Variants in CEMIP observed in about 807,000 individuals in gnomAD.
The protein encoded by CEMIP is cell migration inducing hyaluronidase 1.
A neutral mutation model predicts 156.9 loss-of-function variants in CEMIP; 105 were observed. That is an observed-to-expected ratio of 0.67 (90% confidence interval 0.57 to 0.79). CEMIP has a LOEUF of 0.79. CEMIP is among the 30% of genes least tolerant of loss of function. CEMIP has a pLI of 0.00. For synonymous variants in CEMIP, 676 were observed against 668.4 expected (o/e 1.01, Z -0.17); for missense variants, 1,457 against 1,769.4 (o/e 0.82, Z 3.17).
At chr15:80,815,155 C>G (rs1228785832) in intron 1 of CEMIP, among the ~76,000 whole-genome samples, 3 of 152,258 alleles carry the variant, frequency 2.0e-5, no homozygotes, top group African/African-American at 7.2e-5. Flanking sequence ...AGAGAAGCCA[C>G]TGGCCAGGAT....
intron 1 of CEMIP, among the ~76,000 whole-genome samples, chr15:80,815,478 T>A (rs1896769576): frequency 6.6e-6 from 1 of 152,274 alleles, no homozygotes; most frequent in Non-Finnish European, 1.5e-5. Context: ...AAATGCACAG[T>A]ACAATGCCTG....
intron 1 of CEMIP, among the ~76,000 whole-genome samples, chr15:80,819,705 ATCTTC>A (rs550914584): frequency 2.0e-4 from 31 of 152,362 alleles, no homozygotes; most frequent in Admixed American, 9.8e-4. Context: ...GAAAGAAAGG[ATCTTC>A]TCTTAGAGAA....
intron 1 of CEMIP, among the ~76,000 whole-genome samples, chr15:80,781,350 A>G (rs1895789204): frequency 6.6e-6 from 1 of 152,218 alleles, no homozygotes; most frequent in African/African-American, 2.4e-5. Context: ...TCTGATCCTA[A>G]TAGTTTTGTT....
At chr15:80,857,676 G>A (rs578106117) in intron 1 of CEMIP, among the ~76,000 whole-genome samples, 17 of 152,302 alleles carry the variant, frequency 1.1e-4, no homozygotes, top group African/African-American at 3.8e-4. Flanking sequence ...AGGCTCTTGG[G>A]TGATGCTGAT....
At chr15:80,827,437 G>A (rs1475114685) in intron 1 of CEMIP, among the ~76,000 whole-genome samples, 1 of 152,086 alleles carries the variant, frequency 6.6e-6, no homozygotes, top group Non-Finnish European at 1.5e-5. Context: ...TGGCCAACAT[G>A]GTGAAACCCT....
At chr15:80,827,394 G>A (rs772374207) in intron 1 of CEMIP, among the ~76,000 whole-genome samples, 13 of 152,266 alleles carry the variant, frequency 8.5e-5, no homozygotes, top group African/African-American at 2.6e-4. Flanking sequence ...TGAAGTGGGC[G>A]GATCACCTGA....
chr15:80,893,924 C>T (rs868198513), intron 10 of CEMIP, among the ~76,000 whole-genome samples: 44 of 151,940 alleles, frequency 2.9e-4, no homozygotes, highest in Non-Finnish European at 2.8e-4. Flanking sequence ...ACAGCAGCTG[C>T]AGCCCTTGCT....
At position 80,866,181 on chromosome 15, in the gene CEMIP, T is replaced by G. The variant is rs780403078; in HGVS notation, c.-175-7357T>G. On this transcript the variant is annotated intron_variant, in intron 1 of 29. Transcript: ENST00000394685. ...CTGCCATGCTTGGGGATAGGGCGAG[T>G]CCGTGAGGGTGAATTTCTGTTATCA... 5.3e-5 allele frequency among the ~76,000 whole-genome samples: 8 copies of G among 152,058 alleles called. 1 individual carries two copies. The highest frequency in any genetic ancestry group is 1.3e-4 in the Admixed American group (2 of 15,260).
chr15:80,862,453 C>T (rs971816179), intron 1 of CEMIP, among the ~76,000 whole-genome samples: 8 of 152,114 alleles, frequency 5.3e-5, no homozygotes, highest in African/African-American at 7.2e-5. Flanking sequence ...AGGTGGAGAG[C>T]GACCCAGCTA....
intron 1 of CEMIP, among the ~76,000 whole-genome samples, chr15:80,797,020 G>A (rs545075491): frequency 3.3e-4 from 50 of 152,318 alleles, no homozygotes; most frequent in African/African-American, 1.2e-3. Flanking sequence ...TGGCTGGGGT[G>A]TAAGGATGAA....
At chr15:80,900,916 G>C (rs1477967233) in intron 12 of CEMIP, 2 of 454,954 alleles carry the variant, frequency 4.4e-6, no homozygotes, top group African/African-American at 2.0e-5. Context: ...CTTCCTCATT[G>C]CTCCCAGATT....
chr15:80,901,960 G>A (rs1319418382), intron 12 of CEMIP, among the ~76,000 whole-genome samples: 2 of 152,144 alleles, frequency 1.3e-5, no homozygotes, highest in South Asian at 2.1e-4. Flanking sequence ...AGGAACCTGG[G>A]TTTAAGTTTG....
At position 80,802,365 on chromosome 15, in the gene CEMIP, C is replaced by T. The variant is rs534095226; in HGVS notation, c.-176+22751C>T. Among the ~76,000 whole-genome samples, 7 of 152,348 alleles carry T rather than the reference C, an allele frequency of 4.6e-5. No homozygotes were observed. The East Asian group carries it at 9.7e-4, about 21-fold the overall frequency. ...GGGGCCAAAGCCCTGTTATCCCTTT[C>T]GCCCTTCCTGATGGCTCTGCCTCTG... is the stretch of plus-strand genomic sequence containing the variant. On this transcript the variant is annotated intron_variant, in intron 1 of 29. Coordinates refer to ENST00000394685, the MANE Select transcript of CEMIP (RefSeq NM_001293298.2).
Position 80,889,610 on chromosome 15 carries a change from AAAATAGAAAATAG to A in CEMIP, c.1086+23_1086+35del. The A allele has an allele frequency of 6.2e-7, 1 of 1,613,526 alleles. No individual in the cohort carries two copies. Among genetic ancestry groups the A allele is most frequent in the South Asian group, 1.1e-5 (1 of 91,066 alleles). ...ATATACAGGTACCAAACTCACAGCA[AAAATAGAAAATAG>A]AAATGTGTTGTTTTGAAGAAGACTC... On this transcript the variant is annotated intron_variant, in intron 10 of 29. Transcript: ENST00000394685.
chr15:80,865,638 T>C (rs1201580413), intron 1 of CEMIP, among the ~76,000 whole-genome samples: 1 of 151,216 alleles, frequency 6.6e-6, no homozygotes, highest in Non-Finnish European at 1.5e-5. Flanking sequence ...ATCATGAAAA[T>C]TATGCACAGC....
chr15:80,821,746 G>A (rs1333691725), intron 1 of CEMIP, among the ~76,000 whole-genome samples: 1 of 152,224 alleles, frequency 6.6e-6, no homozygotes, highest in Non-Finnish European at 1.5e-5. Flanking sequence ...GGGCTACTTA[G>A]AGGTGCCCAT....
chr15:80,798,108 T>C (rs1323943112), intron 1 of CEMIP, among the ~76,000 whole-genome samples: 1 of 152,192 alleles, frequency 6.6e-6, no homozygotes, highest in Non-Finnish European at 1.5e-5. Context: ...ATATAAGCCA[T>C]ATAACCGTGT....
At position 80,932,764 on chromosome 15, in the gene CEMIP, C is replaced by T. The variant is rs1016960275; in HGVS notation, c.2794-481C>T. On this transcript the variant is annotated intron_variant, in intron 22 of 29. Coordinates refer to ENST00000394685, the MANE Select transcript of CEMIP (RefSeq NM_001293298.2). This position sits in a 1 kb window ranked among gnomAD's most constrained non-coding sequence, Gnocchi z 4.5. ...TCAGTTATGGAAATCTGCAAGGGCT[C>T]ATGCTGCAAAACTGTCTTCCTGAAA... Among the ~76,000 whole-genome samples the T allele has an allele frequency of 6.6e-6, 1 of 152,198 alleles. No homozygotes were observed. Among genetic ancestry groups the T allele is most frequent in the African/African-American group, 2.4e-5 (1 of 41,446 alleles).
At chr15:80,844,443 A>G (rs1288869064) in intron 1 of CEMIP, among the ~76,000 whole-genome samples, 2 of 152,142 alleles carry the variant, frequency 1.3e-5, no homozygotes, top group Non-Finnish European at 2.9e-5. Flanking sequence ...TCCTCTTCCA[A>G]ATTTAGCCAG....
Sources: gnomAD v4.1 joint callset for allele counts (sites outside exome capture counted in the v4.1 genomes callset) on GRCh38, gnomAD v4.1.1 for gene constraint, Gnocchi (gnomAD v3.1) non-coding constraint, MANE v1.5 for transcripts, NCBI Gene and HGNC (gene_info 2026-07-23, HGNC 2026-07-21) for gene names.